Variants in RBFOX1 observed in about 807,000 individuals in gnomAD.
RBFOX1 encodes RNA binding protein fox-1 homolog 1.
RBFOX1 carries 8 observed loss-of-function variants against 57.7 expected under a neutral mutation model. The observed-to-expected ratio is 0.14, with a 90% CI of 0.08 to 0.25. The LOEUF (loss-of-function observed/expected upper bound fraction) is 0.25, where lower values mean the gene tolerates loss of function less well. Among genes scored for constraint, RBFOX1 ranks in the 10% least tolerant of loss-of-function variants. RBFOX1 has a pLI of 1.00. For synonymous variants in RBFOX1, 326 were observed against 222.4 expected (o/e 1.47, Z -4.15); for missense variants, 611 against 548.5 (o/e 1.11, Z -1.14).
chr16:6,785,331 T>C (rs1187658334), intron 3 of RBFOX1, among the ~76,000 whole-genome samples: 2 of 152,174 alleles, frequency 1.3e-5, no homozygotes, highest in Non-Finnish European at 2.9e-5. Context: ...GACATCTCTG[T>C]GGTTCAGCAA....
At chr16:7,273,204 C>CCTTCCTTCCTT (rs2095367580) in intron 4 of RBFOX1, among the ~76,000 whole-genome samples, 3 of 35,146 alleles carry the variant, frequency 8.5e-5, no homozygotes, top group Non-Finnish European at 9.9e-5. Flanking sequence ...CTTCCTCCCT[C>CCTTCCTTCCTT]CCTTCCTTCC....
intron 2 of RBFOX1, among the ~76,000 whole-genome samples, chr16:5,567,052 C>A (rs116043345): frequency 3.0e-4 from 46 of 152,268 alleles, no homozygotes; most frequent in African/African-American, 1.1e-3. Flanking sequence ...TGCCTCAGGT[C>A]CTAAGCCTCA....
At chr16:6,771,215 C>G (rs144100858) in intron 3 of RBFOX1, among the ~76,000 whole-genome samples, 3 of 152,290 alleles carry the variant, frequency 2.0e-5, no homozygotes, top group African/African-American at 7.2e-5. Context: ...ACTGCAAACA[C>G]CTTAGTCTTG....
chr16:7,051,562 C>A (rs988556476), intron 3 of RBFOX1, among the ~76,000 whole-genome samples: 1 of 152,248 alleles, frequency 6.6e-6, no homozygotes, highest in Non-Finnish European at 1.5e-5. Flanking sequence ...TTACTACCAT[C>A]TGATTAGAAC....
intron 2 of RBFOX1, among the ~76,000 whole-genome samples, chr16:6,433,055 G>A (rs552627666): frequency 1.3e-5 from 2 of 152,234 alleles, no homozygotes; most frequent in East Asian, 1.9e-4. Flanking sequence ...GCCATCCTTC[G>A]GGCTGTTGAT....
chr16:5,335,566 T>C (rs1011668520), intron 1 of RBFOX1, among the ~76,000 whole-genome samples: 1 of 152,128 alleles, frequency 6.6e-6, no homozygotes. Flanking sequence ...TTAGGGGACT[T>C]TGATAGGCTT....
At chr16:6,813,102 A>G (rs2089170344) in intron 3 of RBFOX1, among the ~76,000 whole-genome samples, 1 of 150,412 alleles carries the variant, frequency 6.6e-6, no homozygotes, top group African/African-American at 2.5e-5. Context: ...TTTCACTCCC[A>G]TTAAAAAAAA....
At chr16:7,172,957 C>A (rs1215610702) in intron 4 of RBFOX1, among the ~76,000 whole-genome samples, 1 of 152,064 alleles carries the variant, frequency 6.6e-6, no homozygotes, top group Non-Finnish European at 1.5e-5. Context: ...AAATTTGCCC[C>A]CTCAGTATGG....
chr16:7,091,022 C>A (rs906382643), intron 4 of RBFOX1, among the ~76,000 whole-genome samples: 1 of 152,192 alleles, frequency 6.6e-6, no homozygotes, highest in Admixed American at 6.5e-5. Context: ...TCATCTAATT[C>A]ACAAACAGGA....
At chr16:6,617,153 C>A (rs759236785) in intron 2 of RBFOX1, among the ~76,000 whole-genome samples, 15 of 151,938 alleles carry the variant, frequency 9.9e-5, no homozygotes, top group Non-Finnish European at 2.1e-4. Context: ...AGAGGTCCTC[C>A]ATCCCTGACT....
intron 1 of RBFOX1, among the ~76,000 whole-genome samples, chr16:5,281,524 A>G (rs2063271335): frequency 1.3e-5 from 2 of 152,232 alleles, no homozygotes; most frequent in Non-Finnish European, 2.9e-5. Context: ...AGAGTAGGAT[A>G]TTGAAGTGCT....
rs77306465 is a variant in RBFOX1, at chr16:7,104,887, C to G, written c.27+52789C>G. Among the ~76,000 whole-genome samples, 120 of 152,232 alleles carry G rather than the reference C, an allele frequency of 7.9e-4. 1 individual carries two copies. The highest frequency in any genetic ancestry group is 2.8e-3 in the African/African-American group (115 of 41,538). On this transcript the variant is annotated intron_variant, in intron 4 of 15. Transcript: ENST00000550418. The stretch of plus-strand genomic sequence containing the variant: ...AAACAGAAAAGTCCAAGAGATGGAT[C>G]TCAGGTACAGCCCCAACCATATTCA...
chr16:6,649,754 C>T (rs149231987), intron 2 of RBFOX1, among the ~76,000 whole-genome samples: 11 of 152,180 alleles, frequency 7.2e-5, no homozygotes, highest in Admixed American at 2.0e-4. Flanking sequence ...TATTTTATTA[C>T]ATATGTATAT....
At chr16:5,724,294 G>A (rs374422749) in intron 3 of RBFOX1, among the ~76,000 whole-genome samples, 16 of 152,172 alleles carry the variant, frequency 1.1e-4, no homozygotes, top group African/African-American at 2.7e-4. Flanking sequence ...GGGCCCTTGC[G>A]CACCCTAAAG....
intron 3 of RBFOX1, among the ~76,000 whole-genome samples, chr16:5,665,860 A>G (rs2049826547): frequency 6.6e-6 from 1 of 152,220 alleles, no homozygotes; most frequent in South Asian, 2.1e-4. Flanking sequence ...GAAAGCCCAC[A>G]GAAGTAGGTG....
chr16:5,868,141 C>T (rs976791861), intron 4 of RBFOX1, among the ~76,000 whole-genome samples: 1 of 152,168 alleles, frequency 6.6e-6, no homozygotes, highest in Non-Finnish European at 1.5e-5. Context: ...TGGAAATTGT[C>T]CATGTTGTAA....
intron 13 of RBFOX1, chr16:7,671,534 A>G (rs560313429): frequency 1.9e-6 from 3 of 1,592,048 alleles, no homozygotes; most frequent in African/African-American, 1.3e-5. Context: ...CATTGAAAAC[A>G]TTACATTTCT....
intron 3 of RBFOX1, among the ~76,000 whole-genome samples, chr16:5,769,736 T>G (rs1025113711): frequency 6.6e-6 from 1 of 152,044 alleles, no homozygotes; most frequent in Non-Finnish European, 1.5e-5. Flanking sequence ...TCATCTACAG[T>G]GAGAGGGTCC....
intron 1 of RBFOX1, among the ~76,000 whole-genome samples, chr16:5,395,527 CTT>C (rs1196393033): frequency 1.3e-5 from 2 of 152,166 alleles, no homozygotes; most frequent in African/African-American, 4.8e-5. Flanking sequence ...TTCTTCTACT[CTT>C]TAGGTTTTCT....
Sources: allele counts gnomAD v4.1 joint callset (sites outside exome capture counted in the v4.1 genomes callset), GRCh38; gene constraint gnomAD v4.1.1; transcripts MANE v1.5; gene names NCBI Gene and HGNC (gene_info 2026-07-23, HGNC 2026-07-21).